ANKRD12: variants seen among roughly 807,000 people sequenced by gnomAD.
The protein encoded by ANKRD12 is ankyrin repeat domain 12.
In ANKRD12, 85 loss-of-function variants were observed where a neutral mutation model predicts 183.4. The ratio of observed to expected loss-of-function variants is 0.46; its 90% confidence interval spans 0.39 to 0.56. ANKRD12 has a LOEUF of 0.56. Among genes scored for constraint, ANKRD12 ranks in the 20% least tolerant of loss-of-function variants. The pLI is 0.00. For synonymous variants in ANKRD12, 914 were observed against 800.2 expected, an observed-to-expected ratio of 1.14 and a Z score of -2.40; for missense variants, 2,405 against 2,357.1, an observed-to-expected ratio of 1.02 and a Z score of -0.42.
chr18:9,191,868 C>A (rs1462226046), intron 2 of ANKRD12, among the ~76,000 whole-genome samples: 1 of 152,140 alleles, frequency 6.6e-6, no homozygotes, highest in African/African-American at 2.4e-5. Flanking sequence ...AACCAGGCAC[C>A]AATTAGAGAA....
At chr18:9,213,266 A>G (rs1247523119) in intron 6 of ANKRD12, among the ~76,000 whole-genome samples, 1 of 151,948 alleles carries the variant, frequency 6.6e-6, no homozygotes, top group Non-Finnish European at 1.5e-5. Context: ...GAATGGTGTG[A>G]TATACAGTAT....
intron 7 of ANKRD12, among the ~76,000 whole-genome samples, chr18:9,220,126 G>A (rs2036338843): frequency 6.6e-6 from 1 of 152,076 alleles, no homozygotes; most frequent in Admixed American, 6.6e-5. Flanking sequence ...TTTATTCATT[G>A]TGAATCATTC....
rs776821746 is a variant in ANKRD12, at chr18:9,216,798, C to G, written c.693C>G (p.Tyr231Ter). The change falls in exon 7 of 13, where the codon TAC (tyrosine) becomes TAG (stop). Residue 231 changes from tyrosine to a stop codon, truncating the protein, a stop_gained. Coordinates refer to ENST00000262126, the MANE Select transcript of ANKRD12 (RefSeq NM_015208.5). LOFTEE classifies it high-confidence loss of function. ...ATGAAGCTTGCAATGTTGGATATTA[C>G]GATGTTGCTAAGATACTTATAGCAG... ...PLHEACNVGY[Y>*]DVAKILIAAG... is the part of the protein sequence containing the mutation. 1.9e-6 allele frequency: 3 copies of G among 1,613,466 alleles called. No homozygotes were observed. The highest frequency in any genetic ancestry group is 2.5e-6 in the Non-Finnish European group (3 of 1,179,632).
At chr18:9,233,186 T>A (rs1182870550) in intron 8 of ANKRD12, among the ~76,000 whole-genome samples, 1 of 151,918 alleles carries the variant, frequency 6.6e-6, no homozygotes, top group Non-Finnish European at 1.5e-5. Flanking sequence ...TTGTTTCTTC[T>A]GCTTGGTCTA....
At chr18:9,264,658 AAG>A (rs1304163399) in intron 10 of ANKRD12, among the ~76,000 whole-genome samples, 1 of 152,248 alleles carries the variant, frequency 6.6e-6, no homozygotes, top group South Asian at 2.1e-4. Context: ...AAATGAAAGA[AAG>A]AAGCACAATA....
At chr18:9,207,783 A>G (rs929750312) in intron 4 of ANKRD12, among the ~76,000 whole-genome samples, 4 of 152,152 alleles carry the variant, frequency 2.6e-5, no homozygotes, top group African/African-American at 9.6e-5. Flanking sequence ...AGGGTTTCCC[A>G]AGAAATAGAT....
chr18:9,285,425 T>TC lies in ANKRD12; in HGVS notation c.*4301dup, dbSNP rs540238837. On this transcript the variant is annotated 3_prime_UTR_variant, in exon 13 of 13. Coordinates refer to ENST00000262126, the MANE Select transcript of ANKRD12 (RefSeq NM_015208.5). ...TGGGCAACAAGAGTGAAACTCTGTC[T>TC]CCAAAAAAAAAAAAAAAAAAAAAAA... 25 of 79,472 alleles carry TC rather than the reference T, an allele frequency of 3.1e-4. No individual in the cohort carries two copies. Among genetic ancestry groups the TC allele is most frequent in the African/African-American group, 1.3e-3 (24 of 19,176 alleles). 4.9% of individuals were successfully genotyped at this position (79,472 alleles called of 1,614,324 possible). A position where few individuals can be genotyped will look rare whatever the true frequency, so the allele number is the denominator to read the frequency against.
At chr18:9,262,786 CCTTTT>C (rs1276192090) in intron 9 of ANKRD12, among the ~76,000 whole-genome samples, 2 of 87,932 alleles carry the variant, frequency 2.3e-5, no homozygotes, top group South Asian at 4.6e-4. Context: ...CCAAGATGTC[CCTTTT>C]TTTTTTTTTT....
rs765178160 is a variant in ANKRD12, at chr18:9,208,766, ACTT to A, written c.418_420del (p.Leu140del). On this transcript the variant is annotated inframe_deletion, in exon 5 of 13. Transcript: ENST00000262126. ...CACTCTCTGAGCGAAAACAGATGGC[ACTT>A]CTTATGCAGATGACAGCAAGAGACA... 1 of 1,608,914 alleles carries A rather than the reference ACTT, an allele frequency of 6.2e-7. No homozygotes were observed.
In ANKRD12 at chr18:9,257,619, T is replaced by C. The variant is rs775387505; in HGVS notation, c.4352T>C (p.Phe1451Ser). ...IPDQESSLQS[F>S]CNSENKVLKE... ...GATCAAGAATCCTCTCTTCAGAGTT[T>C]TTGTAATTCTGAAAATAAGGTATTG... The change falls in exon 9 of 13, where the codon TTT becomes TCT. Residue 1451 changes from phenylalanine to serine, a missense_variant. By Grantham distance (155) the Phe-to-Ser change is radical (BLOSUM62 -2). Around this residue, in one of 7 missense-constraint regions of ANKRD12, gnomAD observed 1,983 missense variants for 1,725.9 expected, o/e 1.15. Transcript: ENST00000262126. 1 of 1,613,996 alleles carries C rather than the reference T, an allele frequency of 6.2e-7. No individual in the cohort carries two copies. The highest frequency in any genetic ancestry group is 8.5e-7 in the Non-Finnish European group (1 of 1,179,960).
At chr18:9,223,013 A>G (rs747237250) in intron 8 of ANKRD12, among the ~76,000 whole-genome samples, 3 of 152,268 alleles carry the variant, frequency 2.0e-5, no homozygotes, top group Non-Finnish European at 4.4e-5. Context: ...GTCAAATTGA[A>G]TGTAAATATC....
In ANKRD12 at chr18:9,283,401, A is replaced by C. The variant is rs1385114453; in HGVS notation, c.*2275A>C. The stretch of plus-strand genomic sequence containing the variant: ...TCTCTGCCATGATTATGCTTCTACA[A>C]ATTTCTTTTATAAAGAGACTCAAAG... On this transcript the variant is annotated 3_prime_UTR_variant, in exon 13 of 13. Transcript: ENST00000262126. 1 of 152,180 alleles carries C rather than the reference A, an allele frequency of 6.6e-6. No individual in the cohort carries two copies. Among genetic ancestry groups the C allele is most frequent in the African/African-American group, 2.4e-5 (1 of 41,456 alleles). The allele number at this position is 152,180 out of a possible 1,614,324, so 9.4% of individuals were successfully genotyped here.
chr18:9,162,698 C>T (rs2031586404), intron 1 of ANKRD12, among the ~76,000 whole-genome samples: 1 of 152,214 alleles, frequency 6.6e-6, no homozygotes, highest in African/African-American at 2.4e-5. Flanking sequence ...TTTTTCTCCA[C>T]AACCTCGCCA....
chr18:9,203,864 C>T (rs979889476), intron 3 of ANKRD12, among the ~76,000 whole-genome samples: 1 of 152,178 alleles, frequency 6.6e-6, no homozygotes, highest in African/African-American at 2.4e-5. Context: ...CTTGGCCTCC[C>T]GAAGTGCTGG....
chr18:9,251,805 AAAG>A (rs1198604975), intron 8 of ANKRD12, among the ~76,000 whole-genome samples: 3 of 152,300 alleles, frequency 2.0e-5, no homozygotes, highest in Middle Eastern at 6.8e-3. Flanking sequence ...AAAAAAGAAA[AAAG>A]AAAAATGCCT....
chr18:9,172,221 C>T (rs1346994972), intron 1 of ANKRD12, among the ~76,000 whole-genome samples: 1 of 151,916 alleles, frequency 6.6e-6, no homozygotes, highest in African/African-American at 2.4e-5. Context: ...TGGGATTGAT[C>T]ATCTTACTGG....
At chr18:9,216,709 T>C in intron 6 of ANKRD12, 49 bp from the exon 7 acceptor site, 2 of 1,589,938 alleles carry the variant, frequency 1.3e-6, no homozygotes, top group Non-Finnish European at 1.7e-6. Flanking sequence ...AAAGCATATA[T>C]TTTGAAGTAG....
chr18:9,142,184 A>G (rs2078341281), intron 1 of ANKRD12, among the ~76,000 whole-genome samples: 1 of 152,216 alleles, frequency 6.6e-6, no homozygotes, highest in Non-Finnish European at 1.5e-5. Context: ...AGAGAACAAA[A>G]ACCATTTGTG....
At chr18:9,244,878 C>T (rs796767419) in intron 8 of ANKRD12, among the ~76,000 whole-genome samples, 47 of 152,218 alleles carry the variant, frequency 3.1e-4, no homozygotes, top group African/African-American at 1.0e-3. Context: ...TAAAATCAAG[C>T]GTAATACTTT....
Sources: allele counts gnomAD v4.1 joint callset (sites outside exome capture counted in the v4.1 genomes callset), GRCh38; gene constraint gnomAD v4.1.1; regional missense constraint gnomAD v4.1.1; transcripts MANE v1.5; gene names NCBI Gene and HGNC (gene_info 2026-07-23, HGNC 2026-07-21).